Variants in PDE1A observed in about 807,000 individuals in gnomAD.
PDE1A encodes dual specificity calcium/calmodulin-dependent 3',5'-cyclic nucleotide phosphodiesterase 1A.
PDE1A carries 35 observed loss-of-function variants against 61.7 expected under a neutral mutation model. That is an observed-to-expected ratio of 0.57 (90% CI 0.43 to 0.75). The LOEUF (loss-of-function observed/expected upper bound fraction) is 0.75, where lower values mean the gene tolerates loss of function less well. Among genes scored for constraint, PDE1A ranks in the 30% least tolerant of loss-of-function variants. The probability of loss-of-function intolerance (pLI) is 0.00; values close to 1 mark genes in which losing one functional copy is unlikely to be tolerated. For synonymous variants in PDE1A, 232 were observed against 213.2 expected (o/e 1.09, Z -0.77); for missense variants, 597 against 630.6 (o/e 0.95, Z 0.57).
chr2:182,512,909 A>C (rs1689895934), intron 2 of PDE1A, among the ~76,000 whole-genome samples: 1 of 152,254 alleles, frequency 6.6e-6, no homozygotes, highest in Non-Finnish European at 1.5e-5. Flanking sequence ...TAATGAAAAA[A>C]CAATTTCAAA....
the PDE1A span, among the ~76,000 whole-genome samples, chr2:182,711,834 T>TA: frequency 6.6e-6 from 1 of 152,208 alleles, no homozygotes; most frequent in South Asian, 2.1e-4. Context: ...ACCCATAGAA[T>TA]AAAAAATCCA....
At chr2:182,424,564 C>T (rs1449729001) in intron 1 of PDE1A, among the ~76,000 whole-genome samples, 11 of 152,028 alleles carry the variant, frequency 7.2e-5, no homozygotes, top group South Asian at 2.1e-4. Context: ...AGGAGGCTGA[C>T]GAAGAAAACG....
chr2:182,369,059 C>T (rs1164537060), intron 1 of PDE1A, among the ~76,000 whole-genome samples: 3 of 152,116 alleles, frequency 2.0e-5, no homozygotes, highest in Non-Finnish European at 4.4e-5. Flanking sequence ...AATATCAAAT[C>T]AAGCAGGAAC....
At chr2:182,149,678 T>C (rs896915912) in intron 13 of PDE1A, among the ~76,000 whole-genome samples, 7 of 152,136 alleles carry the variant, frequency 4.6e-5, no homozygotes, top group Admixed American at 3.3e-4. Context: ...TAGTACTTCA[T>C]AAAAAAAGAA....
chr2:182,587,815 G>A, the PDE1A span, among the ~76,000 whole-genome samples: 1 of 152,058 alleles, frequency 6.6e-6, no homozygotes, highest in Non-Finnish European at 1.5e-5. Flanking sequence ...CATAAGCAAT[G>A]GATTTAGTCT....
chr2:182,256,460 C>T (rs1691825142), intron 2 of PDE1A, among the ~76,000 whole-genome samples: 1 of 152,106 alleles, frequency 6.6e-6, no homozygotes, highest in African/African-American at 2.4e-5. Flanking sequence ...GTGGCGATTC[C>T]TCAGGGATCT....
At chr2:182,415,082 G>C (rs905198051) in intron 1 of PDE1A, among the ~76,000 whole-genome samples, 1 of 151,930 alleles carries the variant, frequency 6.6e-6, no homozygotes, top group Admixed American at 6.6e-5. Context: ...CCTACAGATA[G>C]AAGCATTTTA....
At chr2:182,575,263 T>C in the PDE1A span, among the ~76,000 whole-genome samples, 6 of 152,068 alleles carry the variant, frequency 3.9e-5, no homozygotes, top group Non-Finnish European at 5.9e-5. Flanking sequence ...GACACCCTAA[T>C]TGATCTCCTG....
intron 1 of PDE1A, among the ~76,000 whole-genome samples, chr2:182,370,624 C>T (rs541890926): frequency 1.3e-5 from 2 of 152,252 alleles, no homozygotes; most frequent in South Asian, 4.2e-4. Flanking sequence ...GCTGGTGAGA[C>T]TGCTGTTAGA....
At chr2:182,591,344 T>C in the PDE1A span, among the ~76,000 whole-genome samples, 1 of 152,166 alleles carries the variant, frequency 6.6e-6, no homozygotes, top group African/African-American at 2.4e-5. Context: ...GTCCCAGTTA[T>C]CTGACCTCTT....
At chr2:182,707,307 ACAAT>A in the PDE1A span, among the ~76,000 whole-genome samples, 1 of 152,172 alleles carries the variant, frequency 6.6e-6, no homozygotes, top group African/African-American at 2.4e-5. Flanking sequence ...AGATAAGAAA[ACAAT>A]CAAACTAGAA....
chr2:182,455,467 T>C (rs927852461), intron 2 of PDE1A, among the ~76,000 whole-genome samples: 3 of 152,150 alleles, frequency 2.0e-5, no homozygotes, highest in African/African-American at 4.8e-5. Context: ...TGTATGTTTA[T>C]TGCGGCACTA....
chr2:182,323,510 T>C (rs1179554884), intron 1 of PDE1A, among the ~76,000 whole-genome samples: 1 of 152,120 alleles, frequency 6.6e-6, no homozygotes. Context: ...AAAATGAATT[T>C]TTAAGAAACA....
At chr2:182,706,153 A>C in the PDE1A span, among the ~76,000 whole-genome samples, 1 of 152,316 alleles carries the variant, frequency 6.6e-6, no homozygotes, top group East Asian at 1.9e-4. Context: ...ATCTAGACAC[A>C]GGGAAACAGT....
At chr2:182,451,644 A>T (rs755167910) in intron 2 of PDE1A, among the ~76,000 whole-genome samples, 6 of 152,216 alleles carry the variant, frequency 3.9e-5, no homozygotes, top group African/African-American at 1.4e-4. Context: ...TCAAGCCATA[A>T]TCAGGGACCT....
At chr2:182,212,558 C>T (rs1035874664) in intron 7 of PDE1A, among the ~76,000 whole-genome samples, 126 of 152,240 alleles carry the variant, frequency 8.3e-4, no homozygotes, top group African/African-American at 2.8e-3. Context: ...AGTGGGTGCG[C>T]GCACCGTGCG....
upstream of PDE1A, among the ~76,000 whole-genome samples, chr2:182,428,846 G>C (rs1559454689): frequency 6.6e-6 from 1 of 151,998 alleles, no homozygotes; most frequent in East Asian, 1.9e-4. Context: ...CTTTCATTTT[G>C]TCTTCTTTTG....
intron 1 of PDE1A, among the ~76,000 whole-genome samples, chr2:182,286,542 G>A (rs921161323): frequency 2.0e-5 from 3 of 152,146 alleles, no homozygotes; most frequent in African/African-American, 7.2e-5. Context: ...TTAGTTGTGA[G>A]TTCCTGATTA....
chr2:182,587,023 A>G, the PDE1A span, among the ~76,000 whole-genome samples: 6 of 152,180 alleles, frequency 3.9e-5, no homozygotes, highest in Non-Finnish European at 7.3e-5. Flanking sequence ...GCTTTTCACA[A>G]AGGAAAAGGC....
Sources: allele counts gnomAD v4.1 joint callset (sites outside exome capture counted in the v4.1 genomes callset), GRCh38; gene constraint gnomAD v4.1.1; transcripts MANE v1.5; gene names NCBI Gene and HGNC (gene_info 2026-07-23, HGNC 2026-07-21).